Variants in ADPRH observed in about 807,000 individuals in gnomAD.
The protein encoded by ADPRH is ADP-ribose-L-arginine cleaving enzyme.
A neutral mutation model predicts 28.8 loss-of-function variants in ADPRH; 27 were observed. The ratio of observed to expected loss-of-function variants is 0.94; its 90% CI spans 0.69 to 1.29. The LOEUF (loss-of-function observed/expected upper bound fraction) is 1.29. Ranked by LOEUF, ADPRH falls within the 50% of genes most tolerant of loss-of-function variation. The pLI is 0.00. For missense variants in ADPRH, 419 were observed against 444.8 expected, an observed-to-expected ratio of 0.94 and a Z score of 0.52; for synonymous variants, 161 against 166.9, an observed-to-expected ratio of 0.96 and a Z score of 0.27.
At chr3:119,584,578 A>T (rs1304004897) in intron 3 of ADPRH, among the ~76,000 whole-genome samples, 2 of 152,162 alleles carry the variant, frequency 1.3e-5, no homozygotes, top group African/African-American at 2.4e-5. Flanking sequence ...AAAAAAATGC[A>T]AAGGCTTTTG....
chr3:119,579,952 G>A (rs1306127419), intron 1 of ADPRH, 101 bp downstream of exon 1: 1 of 152,344 alleles, frequency 6.6e-6, no homozygotes, highest in African/African-American at 2.4e-5. Flanking sequence ...CAAATCGTGG[G>A]AGCGTGTCAA....
chr3:119,582,621 C>T (rs190401702), intron 3 of ADPRH, among the ~76,000 whole-genome samples, 154 bp downstream of exon 3: 3 of 152,294 alleles, frequency 2.0e-5, no homozygotes, highest in Admixed American at 1.3e-4. Context: ...TGGCTCATAC[C>T]TGTAATTCCA....
chr3:119,587,054 A>G (rs2082468666), intron 4 of ADPRH, among the ~76,000 whole-genome samples: 1 of 152,256 alleles, frequency 6.6e-6, no homozygotes, highest in South Asian at 2.1e-4. Context: ...TGGTAAGGCC[A>G]CATCTTCCCC....
At position 119,588,959 on chromosome 3, in the gene ADPRH, A is replaced by G. The variant is rs1194905834; in HGVS notation, c.*1081A>G. ...ATTACCCTCCAGAGTTATGTTTACG[A>G]ATAACAAATTGACCATGCTAAACTA... On this transcript the variant is annotated 3_prime_UTR_variant, in exon 5 of 5. Transcript: ENST00000357003. 1 of 152,186 alleles carries G rather than the reference A, an allele frequency of 6.6e-6. No individual in the cohort carries two copies. The highest frequency in any genetic ancestry group is 2.1e-4 in the South Asian group (1 of 4,834). The allele number at this position is 152,186 out of a possible 1,614,324, so 9.4% of individuals were successfully genotyped here.
At position 119,586,663 on chromosome 3, in the gene ADPRH, C is replaced by T. The variant is rs373021923; in HGVS notation, c.659+18C>T. 3.2e-5 allele frequency: 51 copies of T among 1,608,478 alleles called. No homozygotes were observed. The highest frequency in any genetic ancestry group is 2.3e-4 in the African/African-American group (17 of 74,466). ...CAACACTGGTGAGTCTGTAAGCGCA[C>T]GCCCTGCTCAAACACGGTTGAATCT... On this transcript the variant is annotated intron_variant, in intron 4 of 4. Transcript: ENST00000357003.
chr3:119,584,518 G>A (rs773866674), intron 3 of ADPRH, among the ~76,000 whole-genome samples: 47 of 152,222 alleles, frequency 3.1e-4, no homozygotes, highest in Middle Eastern at 3.4e-3. Flanking sequence ...AGCCAAGATC[G>A]CGCCATTGGA....
chr3:119,582,069 T>G, intron 2 of ADPRH, 65 bp from the exon 3 acceptor site: 1 of 1,215,158 alleles, frequency 8.2e-7, no homozygotes, highest in Non-Finnish European at 1.2e-6. Context: ...ATAGCTAGAG[T>G]CGTTGTTTTT....
At chr3:119,579,964 C>G (rs1450542975) in intron 1 of ADPRH, 113 bp downstream of exon 1, 1 of 152,334 alleles carries the variant, frequency 6.6e-6, no homozygotes, top group Admixed American at 6.5e-5. Flanking sequence ...GCGTGTCAAC[C>G]GCCCCGTTTC....
chr3:119,586,795 A>G, intron 4 of ADPRH, 150 bp downstream of exon 4: 2 of 1,167,678 alleles, frequency 1.7e-6, no homozygotes, highest in East Asian at 2.5e-5. Flanking sequence ...AAGGATTTCA[A>G]GTTCCCTTCC....
Position 119,586,401 on chromosome 3 carries a change from G to C in ADPRH, c.415G>C (p.Gly139Arg), listed in dbSNP as rs761010216. 2.7e-5 allele frequency: 43 copies of C among 1,614,068 alleles called. No individual in the cohort carries two copies. In the South Asian group the frequency reaches 4.3e-4, roughly 16 times the overall value. ...CGAAMRAMCI[G>R]LRFPHHSQLD... is the part of the protein sequence containing the mutation. Reference sequence around the variant, plus strand: ...GGCTGCCATGCGGGCCATGTGCATCGGTCTCAGGTTCCCACACCATAGCCA... The same window carrying C: ...GGCTGCCATGCGGGCCATGTGCATCCGTCTCAGGTTCCCACACCATAGCCA... The change falls in exon 4 of 5, where the codon GGT (glycine) becomes CGT (arginine). Residue 139 changes from glycine to arginine, a missense_variant. Transcript: ENST00000357003.
intron 3 of ADPRH, among the ~76,000 whole-genome samples, chr3:119,584,380 T>A (rs2082438400): frequency 6.6e-6 from 1 of 151,922 alleles, no homozygotes; most frequent in Non-Finnish European, 1.5e-5. Flanking sequence ...CTGACCAACA[T>A]GGTGAAATCC....
rs1240633570 is a variant in ADPRH at position 119,582,277 on chromosome 3, G to A, written c.108G>A (p.Gln36=). 2 of 1,614,252 alleles carry A rather than the reference G, an allele frequency of 1.2e-6. No individual in the cohort carries two copies. The highest frequency in any genetic ancestry group is 8.5e-7 in the Non-Finnish European group (1 of 1,180,044). The change falls in exon 3 of 5, where the codon CAG becomes CAA. Residue 36 remains glutamine (Q), a synonymous_variant. Transcript: ENST00000357003. ...FLQDGEKIHR[Q]LAQLGGLDAL... Reference sequence around the variant, plus strand: ...AGGATGGGGAGAAGATACACCGGCAGTTGGCCCAGCTGGGCGGCTTGGATG... The same window carrying A: ...AGGATGGGGAGAAGATACACCGGCAATTGGCCCAGCTGGGCGGCTTGGATG...
rs1424379062 is a variant in ADPRH at position 119,586,622 on chromosome 3, T to C, written c.636T>C (p.Phe212=). 2.4e-5 allele frequency: 38 copies of C among 1,613,860 alleles called. No homozygotes were observed. The highest frequency in any genetic ancestry group is 3.1e-5 in the Non-Finnish European group (37 of 1,179,960). The part of the protein sequence containing the change: ...AKKYIVQSGY[F]VEENLQHWSY... Reference sequence around the variant, plus strand: ...AGTACATTGTCCAATCAGGCTACTTTGTAGAGGAAAATCTTCAACACTGGT... The same window carrying C: ...AGTACATTGTCCAATCAGGCTACTTCGTAGAGGAAAATCTTCAACACTGGT... The change falls in exon 4 of 5, where the codon TTT becomes TTC. Residue 212 remains phenylalanine, a synonymous_variant. Transcript: ENST00000357003.
rs1423520960 is a variant in ADPRH, at chr3:119,588,964, C to A, written c.*1086C>A. 2 of 152,182 alleles carry A rather than the reference C, an allele frequency of 1.3e-5. No homozygotes were observed. The highest frequency in any genetic ancestry group is 2.9e-5 in the Non-Finnish European group (2 of 68,052). The allele number at this position is 152,182 out of a possible 1,614,324, so 9.4% of individuals were successfully genotyped here. On this transcript the variant is annotated 3_prime_UTR_variant, in exon 5 of 5. Transcript: ENST00000357003. ...CCTCCAGAGTTATGTTTACGAATAA[C>A]AAATTGACCATGCTAAACTAATCAT...
Position 119,579,525 on chromosome 3 carries a change from C to T in ADPRH, c.-449C>T, listed in dbSNP as rs1447792445. The T allele has an allele frequency of 6.6e-6, 1 of 152,298 alleles. No homozygotes were observed. Among genetic ancestry groups the T allele is most frequent in the Admixed American group, 6.5e-5 (1 of 15,292 alleles). The allele number at this position is 152,298 out of a possible 1,614,324, so 9.4% of individuals were successfully genotyped here. On this transcript the variant is annotated 5_prime_UTR_variant, in exon 1 of 5. Coordinates refer to ENST00000357003, the MANE Select transcript of ADPRH (RefSeq NM_001125.4). Reference sequence around the variant, plus strand: ...GCGAGAGCCGGCTTTCCGGTGCCGCCACATTCCGGGCACCAGGCTCCGGGC... The same window carrying T: ...GCGAGAGCCGGCTTTCCGGTGCCGCTACATTCCGGGCACCAGGCTCCGGGC...
chr3:119,585,882 A>G (rs887763109), intron 3 of ADPRH, among the ~76,000 whole-genome samples: 1 of 152,188 alleles, frequency 6.6e-6, no homozygotes, highest in Admixed American at 6.5e-5. Flanking sequence ...TCCATAAGGA[A>G]TTGGGCTTTG....
In ADPRH at chr3:119,587,961, A is replaced by G; in HGVS notation, c.*83A>G. 3.4e-6 allele frequency: 5 copies of G among 1,462,716 alleles called. No individual in the cohort carries two copies. Among genetic ancestry groups the G allele is most frequent in the Non-Finnish European group, 4.5e-6 (5 of 1,099,900 alleles). 90.6% of individuals were successfully genotyped at this position (1,462,716 alleles called of 1,614,324 possible). ...TTTCTTTTCAGTTTTTCCAAAGTCA[A>G]GAGTCTTAACCTTGTACTCAGGGAA... On this transcript the variant is annotated 3_prime_UTR_variant, in exon 5 of 5. Transcript: ENST00000357003.
chr3:119,579,603 T>G lies in ADPRH; in HGVS notation c.-371T>G, dbSNP rs2082387349. 6.6e-6 allele frequency: 1 copy of G among 152,290 alleles called. No homozygotes were observed. Among genetic ancestry groups the G allele is most frequent in the Admixed American group, 6.5e-5 (1 of 15,288 alleles). 9.4% of individuals were successfully genotyped at this position (152,290 alleles called of 1,614,324 possible). A position where few individuals can be genotyped will look rare whatever the true frequency, so the allele number is the denominator to read the frequency against. On this transcript the variant is annotated 5_prime_UTR_variant, in exon 1 of 5. Coordinates refer to ENST00000357003, the MANE Select transcript of ADPRH (RefSeq NM_001125.4). ...GAGGTCCCGTCCACTCTCGCTTGGG[T>G]GCAGAAGGGCGCGGCGGTGCCAGGA...
chr3:119,582,356 A>G lies in ADPRH; in HGVS notation c.187A>G (p.Thr63Ala). 2.5e-6 allele frequency: 4 copies of G among 1,614,250 alleles called. No homozygotes were observed. The highest frequency in any genetic ancestry group is 3.4e-6 in the Non-Finnish European group (4 of 1,180,040). Reference protein sequence around the residue: ...VSDDTVMHLATAEALVEAGKA... With the variant: ...VSDDTVMHLAAAEALVEAGKA... ...TGACGACACAGTGATGCACTTGGCC[A>G]CAGCAGAAGCTCTTGTGGAAGCTGG... The change falls in exon 3 of 5, where the codon ACA (threonine) becomes GCA (alanine). Residue 63 changes from threonine to alanine, a missense_variant. Thr to Ala is a moderately conservative substitution (Grantham distance 58). Transcript: ENST00000357003.
Sources: allele counts gnomAD v4.1 joint callset (sites outside exome capture counted in the v4.1 genomes callset), GRCh38; gene constraint gnomAD v4.1.1; transcripts MANE v1.5; gene names NCBI Gene and HGNC (gene_info 2026-07-23, HGNC 2026-07-21).